The following NOL10 variants were observed in gnomAD, a reference collection of about 807,000 sequenced individuals.
NOL10 encodes the protein nucleolar protein 10.
A neutral mutation model predicts 103.5 loss-of-function variants in NOL10; 58 were observed. The ratio of observed to expected loss-of-function variants is 0.56; its 90% CI spans 0.45 to 0.70. NOL10 has a LOEUF of 0.70. Ranked by LOEUF, NOL10 falls within the 30% of genes least tolerant of loss-of-function variation. NOL10 has a pLI of 0.00. For synonymous variants in NOL10, 287 were observed against 282.5 expected (o/e 1.02, Z -0.16); for missense variants, 763 against 807.3 (o/e 0.95, Z 0.67).
chr2:10,598,787 T>C lies in NOL10; in HGVS notation c.1422+2066A>G, dbSNP rs116485146. Among the ~76,000 whole-genome samples the C allele has an allele frequency of 9.1e-3, 1,220 of 134,592 alleles. 16 individuals are homozygous for C. The highest frequency in any genetic ancestry group is 0.02 in the South Asian group (86 of 4,366). The allele number at this position is 134,592 out of a possible 152,430, so 88.3% of individuals were successfully genotyped here. On this transcript the variant is annotated intron_variant, in intron 17 of 20. Transcript: ENST00000381685. ...AAAGTAAGCACTGTTCCAAGTACTA[T>C]TGACAAAAGAAATAAAAGAAAGAAA...
At chr2:10,659,686 C>G (rs1680069361) in intron 9 of NOL10, among the ~76,000 whole-genome samples, 1 of 152,120 alleles carries the variant, frequency 6.6e-6, no homozygotes, top group Admixed American at 6.5e-5. Flanking sequence ...GAGCAAGACC[C>G]TGTCTCAAAA....
intron 13 of NOL10, among the ~76,000 whole-genome samples, chr2:10,618,034 GT>G (rs36205939): frequency 0.2 from 28,738 of 145,598 alleles, 3,288 homozygotes; most frequent in Non-Finnish European, 0.28. Context: ...TACACTTCAT[GT>G]TTTTTTTTTT....
At chr2:10,576,460 T>A (rs1160958802) in intron 20 of NOL10, among the ~76,000 whole-genome samples, 2 of 152,230 alleles carry the variant, frequency 1.3e-5, no homozygotes, top group Admixed American at 6.5e-5. Flanking sequence ...ACACAACCCG[T>A]GTCCCTTAAA....
intron 13 of NOL10, among the ~76,000 whole-genome samples, chr2:10,628,980 G>A (rs1449985339): frequency 6.6e-6 from 1 of 151,984 alleles, no homozygotes; most frequent in Non-Finnish European, 1.5e-5. Flanking sequence ...GTTGAGAAAG[G>A]CCCTCTCATC....
At chr2:10,656,359 C>T (rs140564980) in intron 11 of NOL10, among the ~76,000 whole-genome samples, 21 of 152,314 alleles carry the variant, frequency 1.4e-4, no homozygotes, top group African/African-American at 4.3e-4. Flanking sequence ...ATAGACACTT[C>T]CTGGGCAATC....
chr2:10,619,837 T>C (rs1677034177), intron 13 of NOL10, among the ~76,000 whole-genome samples: 1 of 152,208 alleles, frequency 6.6e-6, no homozygotes, highest in South Asian at 2.1e-4. Context: ...TTGATGTTTA[T>C]CATCATATTA....
chr2:10,669,441 G>GTA (rs760076183), intron 6 of NOL10, among the ~76,000 whole-genome samples: 368 of 139,382 alleles, frequency 2.6e-3, no homozygotes, highest in East Asian at 6.2e-3. Context: ...GTATGTATTT[G>GTA]TATATATATA....
At chr2:10,672,139 C>A (rs767952502) in intron 5 of NOL10, among the ~76,000 whole-genome samples, 13 of 151,998 alleles carry the variant, frequency 8.6e-5, no homozygotes, top group Non-Finnish European at 1.6e-4. Context: ...ACCAGCCTGA[C>A]CAACATGGAG....
intron 13 of NOL10, among the ~76,000 whole-genome samples, chr2:10,628,068 C>T (rs962595714): frequency 6.6e-6 from 1 of 152,184 alleles, no homozygotes; most frequent in African/African-American, 2.4e-5. Context: ...GCTCTTCCCA[C>T]ACCCTCAAAC....
intron 3 of NOL10, among the ~76,000 whole-genome samples, chr2:10,680,315 G>A (rs184238296): frequency 1.2e-5 from 1 of 80,912 alleles, no homozygotes; most frequent in African/African-American, 5.1e-5. Flanking sequence ...AGAGGGAGAA[G>A]AGGGAGAAGA....
chr2:10,663,060 A>C lies in NOL10; in HGVS notation c.592-16T>G, dbSNP rs539444932. On this transcript the variant is annotated splice_polypyrimidine_tract_variant and intron_variant, in intron 8 of 20. Transcript: ENST00000381685. ...CCACTCTACCCTATGCAAATGAAAAACAATTTTAAATAAAAGCTGTAGAAG... is the reference window on the plus strand; with the variant it reads ...CCACTCTACCCTATGCAAATGAAAACCAATTTTAAATAAAAGCTGTAGAAG... The C allele has an allele frequency of 6.2e-7, 1 of 1,608,318 alleles. No homozygotes were observed. Among genetic ancestry groups the C allele is most frequent in the Non-Finnish European group, 8.5e-7 (1 of 1,175,090 alleles).
chr2:10,660,325 A>AT (rs1057409591), intron 9 of NOL10, among the ~76,000 whole-genome samples: 15 of 151,722 alleles, frequency 9.9e-5, no homozygotes, highest in Middle Eastern at 3.4e-3. Flanking sequence ...TTCTTCACAT[A>AT]TTTTTTTTGG....
chr2:10,595,930 G>A (rs898357974), intron 17 of NOL10, among the ~76,000 whole-genome samples: 4 of 152,024 alleles, frequency 2.6e-5, no homozygotes, highest in African/African-American at 4.8e-5. Context: ...AGACTGAAAT[G>A]TTTAGTTTTT....
rs747705885 is a variant in NOL10 at position 10,667,233 on chromosome 2, G to A, written c.576C>T (p.Ala192=). The A allele has an allele frequency of 1.0e-4, 164 of 1,585,834 alleles. No individual in the cohort carries two copies. The highest frequency in any genetic ancestry group is 1.3e-4 in the Non-Finnish European group (156 of 1,164,770). The change falls in exon 8 of 21, where the codon GCC becomes GCT. Residue 192 remains alanine, a synonymous_variant. Transcript: ENST00000381685. The part of the protein sequence containing the change: ...CDINSVHGLF[A]TGTIEGRVEC... Reference sequence around the variant, plus strand: ...ATATGCTTACCTCTATGGTTCCTGTGGCAAACAAGCCATGCACTGAATTTA... The same window carrying A: ...ATATGCTTACCTCTATGGTTCCTGTAGCAAACAAGCCATGCACTGAATTTA...
rs112431095 is a variant in NOL10, at chr2:10,628,894, A to G, written c.1026+15426T>C. Reference sequence around the variant, plus strand: ...CCAACAACGATCCATCACTGGAGCCATCCTAAATGCATGGGGGAGAAGGTA... The same window carrying G: ...CCAACAACGATCCATCACTGGAGCCGTCCTAAATGCATGGGGGAGAAGGTA... On this transcript the variant is annotated intron_variant, in intron 13 of 20. Transcript: ENST00000381685. Among the ~76,000 whole-genome samples the G allele has an allele frequency of 4.3e-3, 656 of 152,310 alleles. 13 individuals carry two copies. The highest frequency in any genetic ancestry group is 0.029 in the Admixed American group (437 of 15,296).
Position 10,681,737 on chromosome 2 carries a change from G to A in NOL10, c.211+234C>T, listed in dbSNP as rs556339664. On this transcript the variant is annotated intron_variant, in intron 3 of 20. Transcript: ENST00000381685. ...ATGCATCAAAGAAACAAGATGGACT[G>A]ATACATGAACAAAGAGACAGATGCA... 9.2e-5 allele frequency among the ~76,000 whole-genome samples: 14 copies of A among 152,294 alleles called. No individual in the cohort carries two copies. The East Asian group carries it at 2.5e-3, about 27-fold the overall frequency.
At chr2:10,618,245 T>TAAA (rs34176271) in intron 13 of NOL10, among the ~76,000 whole-genome samples, 524 of 150,850 alleles carry the variant, frequency 3.5e-3, no homozygotes, top group African/African-American at 0.011. Context: ...GCTGTTTTTT[T>TAAA]AAAAAAAAAT....
intron 13 of NOL10, among the ~76,000 whole-genome samples, chr2:10,641,065 A>C (rs1678667286): frequency 6.6e-6 from 1 of 151,928 alleles, no homozygotes; most frequent in Non-Finnish European, 1.5e-5. Context: ...TCATGCCTGT[A>C]ATCCCAGCAC....
At chr2:10,585,316 T>C (rs1045174149) in intron 19 of NOL10, among the ~76,000 whole-genome samples, 1 of 152,142 alleles carries the variant, frequency 6.6e-6, no homozygotes, top group Non-Finnish European at 1.5e-5. Context: ...AACAGCTGTA[T>C]AAAAAGTGAG....
Sources: gnomAD v4.1 joint callset for allele counts (sites outside exome capture counted in the v4.1 genomes callset) on GRCh38, gnomAD v4.1.1 for gene constraint, MANE v1.5 for transcripts, NCBI Gene and HGNC (gene_info 2026-07-23, HGNC 2026-07-21) for gene names.